Variants in ZDHHC21 observed in about 807,000 individuals in gnomAD.
The protein encoded by ZDHHC21 is zDHHC palmitoyltransferase 21, also known as palmitoyltransferase ZDHHC21.
In ZDHHC21, 15 loss-of-function variants were observed where a neutral mutation model predicts 34.6. The observed-to-expected ratio is 0.43, with a 90% CI of 0.29 to 0.67. The LOEUF is 0.67. Ranked by LOEUF, ZDHHC21 falls within the 30% of genes least tolerant of loss-of-function variation. The pLI, the probability that ZDHHC21 is intolerant of heterozygous loss-of-function variation, is 0.14. For missense variants in ZDHHC21, 344 were observed against 327.7 expected (o/e 1.05, Z -0.38); for synonymous variants, 142 against 101.8 (o/e 1.40, Z -2.38).
chr9:14,645,548 A>C (rs1261638092), intron 7 of ZDHHC21, among the ~76,000 whole-genome samples: 2 of 152,132 alleles, frequency 1.3e-5, no homozygotes, highest in Non-Finnish European at 2.9e-5. Flanking sequence ...AAAATATTTT[A>C]TAAACTGAAC....
intron 5 of ZDHHC21, among the ~76,000 whole-genome samples, chr9:14,670,776 G>A (rs534699622): frequency 2.4e-4 from 37 of 152,166 alleles, no homozygotes; most frequent in African/African-American, 8.9e-4. Context: ...TTAGGGAACA[G>A]AGGAGAAATC....
At chr9:14,610,435 T>G (rs1357438689), downstream of ZDHHC21, among the ~76,000 whole-genome samples, 1 of 152,006 alleles carries the variant, frequency 6.6e-6, no homozygotes, top group East Asian at 1.9e-4. Flanking sequence ...TAGTTTTATT[T>G]GCAAATCTAT....
rs1187609264 is a variant in ZDHHC21 at position 14,663,492 on chromosome 9, GATTT to G, written c.254-1170_254-1167del. 2.5e-4 allele frequency among the ~76,000 whole-genome samples: 34 copies of G among 135,010 alleles called. 2 individuals carry two copies. Among genetic ancestry groups the G allele is most frequent in the Admixed American group, 2.3e-3 (31 of 13,588 alleles). 88.6% of individuals were successfully genotyped at this position (135,010 alleles called of 152,430 possible). A position where few individuals can be genotyped will look rare whatever the true frequency, so the allele number is the denominator to read the frequency against. Reference sequence around the variant, plus strand: ...ATTTTCTTTTTTTTTTCAGATTACAGATTTTTTTTTTTTTTTACCAATATTGATA... The same window carrying G: ...ATTTTCTTTTTTTTTTCAGATTACAGTTTTTTTTTTTTACCAATATTGATA... On this transcript the variant is annotated intron_variant, in intron 5 of 9. Coordinates refer to ENST00000380916, the MANE Select transcript of ZDHHC21 (RefSeq NM_178566.6).
At chr9:14,684,435 G>A (rs1837944028) in intron 2 of ZDHHC21, among the ~76,000 whole-genome samples, 2 of 145,844 alleles carry the variant, frequency 1.4e-5, no homozygotes, top group Admixed American at 1.4e-4. Context: ...CAAATCATGA[G>A]TGAACTCCCA....
At chr9:14,639,818 T>C in intron 8 of ZDHHC21, 78 bp downstream of exon 8, 1 of 820,380 alleles carries the variant, frequency 1.2e-6, no homozygotes. Context: ...TTTCTAAACT[T>C]CCTATAACTT....
intron 7 of ZDHHC21, among the ~76,000 whole-genome samples, chr9:14,642,610 G>A (rs1384650946): frequency 2.0e-5 from 3 of 152,160 alleles, no homozygotes; most frequent in Non-Finnish European, 4.4e-5. Flanking sequence ...TATAAGAAGA[G>A]GAAATTTGGA....
chr9:14,592,409 T>C, the ZDHHC21 span, among the ~76,000 whole-genome samples: 2 of 152,110 alleles, frequency 1.3e-5, no homozygotes, highest in East Asian at 1.9e-4. Flanking sequence ...TTAAGTGATA[T>C]TGACTTGTAC....
intron 8 of ZDHHC21, among the ~76,000 whole-genome samples, chr9:14,631,152 A>T (rs1054060877): frequency 6.6e-6 from 1 of 152,198 alleles, no homozygotes; most frequent in African/African-American, 2.4e-5. Context: ...GTGTACACTG[A>T]ACATCTGTTG....
At chr9:14,665,011 G>A (rs1208612329) in intron 5 of ZDHHC21, among the ~76,000 whole-genome samples, 12 of 130,782 alleles carry the variant, frequency 9.2e-5, no homozygotes, top group African/African-American at 1.2e-4. Flanking sequence ...TGACTTTGAC[G>A]AGCTGAGAGA....
downstream of ZDHHC21, among the ~76,000 whole-genome samples, chr9:14,606,981 G>A (rs558754880): frequency 4.7e-5 from 7 of 150,514 alleles, no homozygotes; most frequent in South Asian, 1.5e-3. Flanking sequence ...TACATCCTCT[G>A]ACTTGTCAAT....
At chr9:14,674,835 C>CA (rs944694416) in intron 3 of ZDHHC21, among the ~76,000 whole-genome samples, 9 of 151,854 alleles carry the variant, frequency 5.9e-5, no homozygotes, top group Admixed American at 3.9e-4. Context: ...CTTGTGGTTG[C>CA]AGGGGTGTAT....
chr9:14,670,463 A>G (rs1835248369), intron 5 of ZDHHC21, among the ~76,000 whole-genome samples: 1 of 152,146 alleles, frequency 6.6e-6, no homozygotes, highest in East Asian at 1.9e-4. Flanking sequence ...GGGTCCATAA[A>G]CAAAGTTTGA....
intron 2 of ZDHHC21, among the ~76,000 whole-genome samples, chr9:14,682,598 T>G (rs1050727479): frequency 6.6e-6 from 1 of 152,130 alleles, no homozygotes; most frequent in Non-Finnish European, 1.5e-5. Flanking sequence ...AATGGGAGAC[T>G]TTAGCACTCT....
intron 8 of ZDHHC21, among the ~76,000 whole-genome samples, chr9:14,633,567 T>C (rs190439461): frequency 6.6e-6 from 1 of 152,120 alleles, no homozygotes; most frequent in Non-Finnish European, 1.5e-5. Context: ...CACCAGACTG[T>C]ATCCTGCCAG....
At chr9:14,684,294 T>G (rs1219496107) in intron 2 of ZDHHC21, among the ~76,000 whole-genome samples, 3 of 151,890 alleles carry the variant, frequency 2.0e-5, no homozygotes, top group African/African-American at 7.3e-5. Flanking sequence ...ATTGTGTATT[T>G]AGAAAACCCC....
rs1429488893 is a variant in ZDHHC21 at position 14,616,488 on chromosome 9, A to G, written c.*2478T>C. The G allele has an allele frequency of 6.6e-6, 1 of 151,720 alleles. No homozygotes were observed. The highest frequency in any genetic ancestry group is 2.4e-5 in the African/African-American group (1 of 41,380). The allele number at this position is 151,720 out of a possible 1,614,324, so 9.4% of individuals were successfully genotyped here. Reference sequence around the variant, plus strand: ...CACTCCTCCTAAGTTTGTACTTTTGATATGTTCAGAATGTGGCTATACTAT... The same window carrying G: ...CACTCCTCCTAAGTTTGTACTTTTGGTATGTTCAGAATGTGGCTATACTAT... On this transcript the variant is annotated 3_prime_UTR_variant, in exon 10 of 10. Coordinates refer to ENST00000380916, the MANE Select transcript of ZDHHC21 (RefSeq NM_178566.6).
chr9:14,685,056 G>C (rs1223201342), intron 2 of ZDHHC21, among the ~76,000 whole-genome samples: 1 of 152,148 alleles, frequency 6.6e-6, no homozygotes, highest in Admixed American at 6.5e-5. Context: ...ATTAATTCAA[G>C]ATGGATTAAA....
chr9:14,662,105 T>C (rs927723481), intron 6 of ZDHHC21, 110 bp downstream of exon 6: 38 of 628,924 alleles, frequency 6.0e-5, no homozygotes, highest in Non-Finnish European at 7.0e-5. Flanking sequence ...TATTAAGATA[T>C]TGTAAAACTA....
In ZDHHC21 at chr9:14,690,414, C is replaced by T. The variant is rs866125119; in HGVS notation, c.-224-29G>A. 7 of 451,462 alleles carry T rather than the reference C, an allele frequency of 1.6e-5. No individual in the cohort carries two copies. In the Middle Eastern group the frequency reaches 1.7e-3, roughly 107 times the overall value. 28.0% of individuals were successfully genotyped at this position (451,462 alleles called of 1,614,324 possible). A position where few individuals can be genotyped will look rare whatever the true frequency, so the allele number is the denominator to read the frequency against. ...TAATTACAGATAAAAAGCTTAAAAT[C>T]AGAAGCTTGGTTGACATCACACTTG... On this transcript the variant is annotated intron_variant, in intron 1 of 9. Coordinates refer to ENST00000380916, the MANE Select transcript of ZDHHC21 (RefSeq NM_178566.6).
Sources: allele counts gnomAD v4.1 joint callset (sites outside exome capture counted in the v4.1 genomes callset), GRCh38; gene constraint gnomAD v4.1.1; transcripts MANE v1.5; gene names NCBI Gene and HGNC (gene_info 2026-07-23, HGNC 2026-07-21).